Variants in GCNA observed in about 807,000 individuals in gnomAD.
The protein encoded by GCNA is germ cell nuclear acidic peptidase.
A neutral mutation model predicts 38.8 loss-of-function variants in GCNA; 3 were observed. The ratio of observed to expected loss-of-function variants is 0.08; its 90% confidence interval spans 0.04 to 0.20. The LOEUF (loss-of-function observed/expected upper bound fraction) is 0.20. GCNA is among the 10% of genes least tolerant of loss of function. The probability of loss-of-function intolerance (pLI) is 1.00; values close to 1 mark genes in which losing one functional copy is unlikely to be tolerated. For missense variants in GCNA, 446 were observed against 578.6 expected (o/e 0.77, Z 2.35); for synonymous variants, 195 against 240.2 (o/e 0.81, Z 1.74).
chrX:71,578,635 C>A (rs2040519270), intron 1 of GCNA, 113 bp downstream of exon 1: 1 of 112,304 alleles, frequency 8.9e-6, no homozygotes, highest in African/African-American at 3.3e-5. Flanking sequence ...CTCTGGTTGC[C>A]CGTGTAGGCC....
intron 2 of GCNA, among the ~76,000 whole-genome samples, chrX:71,582,221 C>T (rs1284813409): frequency 2.9e-5 from 3 of 103,040 alleles, no homozygotes; most frequent in Admixed American, 1.1e-4. Flanking sequence ...AGCAGTGAGC[C>T]GAGATTGCGC....
intron 7 of GCNA, 79 bp downstream of exon 7, chrX:71,598,117 C>T (rs2040685992): frequency 5.6e-6 from 4 of 716,368 alleles, no homozygotes; most frequent in Admixed American, 2.6e-5. Flanking sequence ...GATCAGAGTC[C>T]GCAGACTTTC....
chrX:71,578,830 A>C (rs2040521099), intron 1 of GCNA, among the ~76,000 whole-genome samples: 1 of 97,468 alleles, frequency 1.0e-5, no homozygotes, highest in Admixed American at 1.1e-4. Flanking sequence ...CGGCGTGGGG[A>C]GAAGGGGCGC....
chrX:71,609,698 A>G (rs1301141467), intron 10 of GCNA, among the ~76,000 whole-genome samples: 3 of 111,884 alleles, frequency 2.7e-5, no homozygotes, highest in Non-Finnish European at 5.6e-5. Flanking sequence ...GGCCTTGGGA[A>G]TCAGGTTGGA....
At chrX:71,596,434 C>G (rs1465382189) in intron 6 of GCNA, among the ~76,000 whole-genome samples, 17 of 111,731 alleles carry the variant, frequency 1.5e-4, no homozygotes, top group Non-Finnish European at 5.6e-5. Context: ...TCACCACTAT[C>G]AAGATGCAGA....
Position 71,604,519 on chromosome X carries a change from G to T in GCNA, c.1242G>T (p.Lys414Asn). The T allele has an allele frequency of 8.4e-7, 1 of 1,196,146 alleles. No individual in the cohort carries two copies. Among genetic ancestry groups the T allele is most frequent in the Non-Finnish European group, 1.1e-6 (1 of 887,259 alleles). The change falls in exon 8 of 13, where the codon AAG becomes AAT. Residue 414 changes from lysine (K) to asparagine (N), a missense_variant. Physicochemically the swap from Lys to Asn is moderately conservative, Grantham distance 94. This residue lies in a region of GCNA where 160 missense variants were observed against 165.2 expected (regional missense o/e 0.97). Transcript: ENST00000373696. Reference sequence around the variant, plus strand: ...TGGTGGAACAATCAGGGAAAAGGAAGTCAAAAACCAAAACTATTGTGGAGC... The same window carrying T: ...TGGTGGAACAATCAGGGAAAAGGAATTCAAAAACCAAAACTATTGTGGAGC... ...APVVEQSGKR[K>N]SKTKTIVEPP...
At chrX:71,583,842 C>T (rs1221541122) in intron 2 of GCNA, among the ~76,000 whole-genome samples, 4 of 106,649 alleles carry the variant, frequency 3.8e-5, no homozygotes, top group Admixed American at 3.0e-4. Flanking sequence ...GGATTACAGG[C>T]GCATGCCACC....
At chrX:71,580,238 T>G (rs1458233072) in intron 1 of GCNA, 3 of 15,286 alleles carry the variant, frequency 2.0e-4, no homozygotes, top group Non-Finnish European at 3.4e-4. Flanking sequence ...CAAGTTGAGG[T>G]GGGAGTGGAG....
chrX:71,589,845 C>A (rs748424487), intron 2 of GCNA, among the ~76,000 whole-genome samples: 2 of 110,065 alleles, frequency 1.8e-5, no homozygotes, highest in Non-Finnish European at 3.8e-5. Flanking sequence ...GGGTCTCACT[C>A]CTGTCACCCA....
intron 8 of GCNA, among the ~76,000 whole-genome samples, 185 bp downstream of exon 8, chrX:71,604,861 A>G (rs1225174033): frequency 8.9e-6 from 1 of 112,304 alleles, no homozygotes; most frequent in Non-Finnish European, 1.9e-5. Flanking sequence ...GAATGCCCAC[A>G]TCTTTCTCAT....
chrX:71,589,212 A>G (rs149580659), intron 2 of GCNA, among the ~76,000 whole-genome samples: 2,975 of 108,063 alleles, frequency 0.028, 52 homozygotes, highest in Non-Finnish European at 0.038. Context: ...AAGCCTTCCA[A>G]TGTTATTTCT....
intron 2 of GCNA, among the ~76,000 whole-genome samples, chrX:71,583,860 C>G (rs1273117677): frequency 4.6e-5 from 5 of 108,069 alleles, no homozygotes; most frequent in African/African-American, 1.7e-4. Flanking sequence ...ACCACACCCG[C>G]CTAACTTTTT....
Position 71,612,985 on chromosome X carries a change from ATTTGCTGTGTATGTGCAGAAGTATT to A in GCNA, c.*4_*28del. The A allele has an allele frequency of 8.3e-7, 1 of 1,211,196 alleles. No individual in the cohort carries two copies. Among genetic ancestry groups the A allele is most frequent in the Non-Finnish European group, 1.1e-6 (1 of 895,264 alleles). ...CCCGTATTGTGCCCCACGTGTGACC[ATTTGCTGTGTATGTGCAGAAGTATT>A]ATAGAAAAATTATGCAGGAGATGGC... On this transcript the variant is annotated 3_prime_UTR_variant, in exon 13 of 13. Transcript: ENST00000373696.
At chrX:71,591,603 G>T (rs1434738960) in intron 2 of GCNA, among the ~76,000 whole-genome samples, 2 of 101,297 alleles carry the variant, frequency 2.0e-5, no homozygotes, top group African/African-American at 7.3e-5. Flanking sequence ...TTCCCCCGAG[G>T]CTCTTTTCTC....
intron 4 of GCNA, among the ~76,000 whole-genome samples, chrX:71,593,219 C>G (rs894512662): frequency 1.8e-5 from 2 of 112,035 alleles, no homozygotes; most frequent in Non-Finnish European, 3.8e-5. Flanking sequence ...GTATGTAGAG[C>G]CTGGACTTCC....
At chrX:71,590,161 C>A (rs1169872094) in intron 2 of GCNA, among the ~76,000 whole-genome samples, 1 of 111,847 alleles carries the variant, frequency 8.9e-6, no homozygotes, top group Non-Finnish European at 1.9e-5. Flanking sequence ...GGAAAAGATA[C>A]CAAACAAAAT....
rs1367249393 is a variant in GCNA at position 71,604,298 on chromosome X, T to G, written c.1021T>G (p.Leu341Val). 3 of 1,210,871 alleles carry G rather than the reference T, an allele frequency of 2.5e-6. No homozygotes were observed. The highest frequency in any genetic ancestry group is 3.4e-6 in the Non-Finnish European group (3 of 895,409). The change falls in exon 8 of 13, where the codon TTG (leucine) becomes GTG (valine). Residue 341 changes from leucine (L) to valine (V), a missense_variant. Coordinates refer to ENST00000373696, the MANE Select transcript of GCNA (RefSeq NM_052957.5). ...GGAAGTTCCTGTGCCAGCAGAAGAT[T>G]TGTGTAATGAAGGCCAAATTGCTTC... ...DLEVPVPAED[L>V]CNEGQIASDE...
intron 2 of GCNA, among the ~76,000 whole-genome samples, chrX:71,586,504 G>T (rs1364494145): frequency 8.9e-6 from 1 of 112,059 alleles, no homozygotes. Flanking sequence ...CAATTATTTG[G>T]CATTACTGGG....
At chrX:71,581,727 T>TA (rs1363624992) in intron 2 of GCNA, among the ~76,000 whole-genome samples, 1 of 111,866 alleles carries the variant, frequency 8.9e-6, no homozygotes, top group Non-Finnish European at 1.9e-5. Context: ...TATTTTAAAA[T>TA]AAAAAATGAA....
Sources: allele counts gnomAD v4.1 joint callset (sites outside exome capture counted in the v4.1 genomes callset), GRCh38; gene constraint gnomAD v4.1.1; regional missense constraint gnomAD v4.1.1; transcripts MANE v1.5; gene names NCBI Gene and HGNC (gene_info 2026-07-23, HGNC 2026-07-21).